COLEC10: variants seen among roughly 807,000 people sequenced by gnomAD.
The protein encoded by COLEC10 is collectin-10.
A neutral mutation model predicts 28.4 loss-of-function variants in COLEC10; 22 were observed. That is an observed-to-expected ratio of 0.78 (90% CI 0.55 to 1.11). The LOEUF is 1.11. Ranked by LOEUF, COLEC10 falls within the 50% of genes least tolerant of loss-of-function variation. The pLI is 0.00. For missense variants in COLEC10, 361 were observed against 344.1 expected, an observed-to-expected ratio of 1.05 and a Z score of -0.39; for synonymous variants, 125 against 116.1, an observed-to-expected ratio of 1.08 and a Z score of -0.49.
In COLEC10 at chr8:119,098,609, C is replaced by T. The variant is rs140980622; in HGVS notation, c.293-3739C>T. Among the ~76,000 whole-genome samples the T allele has an allele frequency of 2.8e-3, 424 of 152,076 alleles. 3 individuals are homozygous for T. The highest frequency in any genetic ancestry group is 4.0e-3 in the Non-Finnish European group (272 of 67,934). On this transcript the variant is annotated intron_variant, in intron 3 of 5. Transcript: ENST00000332843. ...AGTATTTAACCATTTTATCTTAATGCCTATTATATATTATAGACACTTGCT... is the reference window on the plus strand; with the variant it reads ...AGTATTTAACCATTTTATCTTAATGTCTATTATATATTATAGACACTTGCT...
chr8:119,030,777 G>T (rs940227204), intron 2 of COLEC10, among the ~76,000 whole-genome samples: 3 of 152,112 alleles, frequency 2.0e-5, no homozygotes, highest in Non-Finnish European at 4.4e-5. Flanking sequence ...TCCATAAAAC[G>T]ATGATCATGG....
At chr8:119,027,111 G>GTA (rs763579781) in intron 2 of COLEC10, among the ~76,000 whole-genome samples, 52 of 152,078 alleles carry the variant, frequency 3.4e-4, no homozygotes, top group East Asian at 1.2e-3. Context: ...AATAACAATA[G>GTA]TATATATATA....
chr8:119,003,406 G>T (rs1813735632), intron 1 of COLEC10, among the ~76,000 whole-genome samples: 1 of 152,082 alleles, frequency 6.6e-6, no homozygotes, highest in Admixed American at 6.6e-5. Context: ...TGATTGTTTA[G>T]AAAAGTTAAG....
the COLEC10 span, among the ~76,000 whole-genome samples, chr8:118,975,249 G>C: frequency 4.6e-5 from 7 of 152,006 alleles, no homozygotes; most frequent in East Asian, 1.2e-3. Context: ...AGTGAAATTA[G>C]AAAAGCATCT....
In COLEC10 at chr8:119,016,998, G is replaced by A. The variant is rs547560524; in HGVS notation, n.235+7445G>A. On this transcript the variant is annotated intron_variant and non_coding_transcript_variant, in intron 2 of 6. Coordinates refer to the COLEC10 transcript ENST00000521788. Reference sequence around the variant, plus strand: ...TGAAGTGCTGGGATAACAGGGGTGAGCCACGCACCTGGCTGTTTCCTGATT... The same window carrying A: ...TGAAGTGCTGGGATAACAGGGGTGAACCACGCACCTGGCTGTTTCCTGATT... Among the ~76,000 whole-genome samples the A allele has an allele frequency of 0.022, 100 of 4,492 alleles. 3 individuals carry two copies. In the East Asian group the frequency reaches 0.5, roughly 22 times the overall value. The allele number at this position is 4,492 out of a possible 152,430, so 2.9% of individuals were successfully genotyped here. A position where few individuals can be genotyped will look rare whatever the true frequency, so the allele number is the denominator to read the frequency against.
intron 3 of COLEC10, among the ~76,000 whole-genome samples, chr8:119,097,728 T>G (rs145449767): frequency 1.6e-4 from 24 of 152,222 alleles, no homozygotes; most frequent in African/African-American, 5.5e-4. Context: ...AGTGGGATGT[T>G]GGACTTCAAA....
upstream of COLEC10, among the ~76,000 whole-genome samples, chr8:118,991,316 T>C (rs1321338817): frequency 2.0e-5 from 3 of 152,154 alleles, no homozygotes; most frequent in Non-Finnish European, 4.4e-5. Context: ...AATAATAAAA[T>C]GAACTAGTAC....
the COLEC10 span, among the ~76,000 whole-genome samples, chr8:118,960,801 A>AAAAAAC: frequency 6.6e-6 from 1 of 151,426 alleles, no homozygotes; most frequent in African/African-American, 2.4e-5. Context: ...AAAAAAAAAA[A>AAAAAAC]AAAAAAAGAT....
chr8:119,084,559 A>G (rs1815432346), intron 1 of COLEC10, among the ~76,000 whole-genome samples: 1 of 152,242 alleles, frequency 6.6e-6, no homozygotes, highest in South Asian at 2.1e-4. Flanking sequence ...ATGAGATTGT[A>G]TATAGCACAG....
At chr8:119,001,512 C>T (rs1813699210) in intron 1 of COLEC10, among the ~76,000 whole-genome samples, 2 of 152,090 alleles carry the variant, frequency 1.3e-5, no homozygotes, top group Non-Finnish European at 2.9e-5. Context: ...GGGCCAAGCA[C>T]CATGATGCAA....
the COLEC10 span, among the ~76,000 whole-genome samples, chr8:118,981,039 A>G: frequency 6.7e-6 from 1 of 149,454 alleles, no homozygotes; most frequent in Non-Finnish European, 1.5e-5. Context: ...ATATATATAT[A>G]TATATTTCCT....
At chr8:119,063,993 T>C (rs951548054), upstream of COLEC10, among the ~76,000 whole-genome samples, 1 of 152,208 alleles carries the variant, frequency 6.6e-6, no homozygotes, top group Non-Finnish European at 1.5e-5. Flanking sequence ...TGTTGTCTAT[T>C]TTAAAACCAC....
chr8:119,049,198 G>C (rs1007665047), intron 2 of COLEC10, among the ~76,000 whole-genome samples: 4 of 152,058 alleles, frequency 2.6e-5, no homozygotes, highest in South Asian at 4.2e-4. Flanking sequence ...TCTACTGAGA[G>C]GTCTGCTGCT....
At chr8:118,986,290 T>A in the COLEC10 span, among the ~76,000 whole-genome samples, 1 of 152,150 alleles carries the variant, frequency 6.6e-6, no homozygotes, top group Non-Finnish European at 1.5e-5. Context: ...AATCTGGCCC[T>A]TGAAATTTAA....
chr8:119,090,652 T>C (rs1470178086), intron 2 of COLEC10, among the ~76,000 whole-genome samples: 1 of 152,236 alleles, frequency 6.6e-6, no homozygotes, highest in Non-Finnish European at 1.5e-5. Flanking sequence ...ACCATAGTTT[T>C]TTGAATGAAA....
chr8:119,039,760 T>C (rs1416835456), intron 2 of COLEC10, among the ~76,000 whole-genome samples: 1 of 152,200 alleles, frequency 6.6e-6, no homozygotes, highest in African/African-American at 2.4e-5. Flanking sequence ...CGTTTCTTCA[T>C]CTTCAAAGTC....
chr8:119,058,889 T>G lies in COLEC10; in HGVS notation n.236-30791T>G, dbSNP rs185024971. 4.9e-4 allele frequency among the ~76,000 whole-genome samples: 74 copies of G among 152,218 alleles called. 1 individual carries two copies. Among genetic ancestry groups the G allele is most frequent in the Middle Eastern group, 3.4e-3 (1 of 294 alleles). ...ATTTTACATCCATACCAAAAATGAA[T>G]GAGGGCTTCAATTTACCGCATTTCA... On this transcript the variant is annotated intron_variant and non_coding_transcript_variant, in intron 2 of 6. Transcript: ENST00000521788.
At chr8:118,960,950 A>G in the COLEC10 span, among the ~76,000 whole-genome samples, 23 of 152,292 alleles carry the variant, frequency 1.5e-4, no homozygotes, top group East Asian at 4.2e-3. Flanking sequence ...CTGTGCCAAA[A>G]GTTTAAATAA....
intron 3 of COLEC10, among the ~76,000 whole-genome samples, chr8:119,095,292 AAAG>A (rs779576746): frequency 3.1e-4 from 47 of 152,366 alleles, no homozygotes; most frequent in Non-Finnish European, 4.0e-4. Context: ...ACAAGAAATT[AAAG>A]AATATCTAAG....
Sources: allele counts gnomAD v4.1 joint callset (sites outside exome capture counted in the v4.1 genomes callset), GRCh38; gene constraint gnomAD v4.1.1; transcripts MANE v1.5; gene names NCBI Gene and HGNC (gene_info 2026-07-23, HGNC 2026-07-21).